The following CDH13 variants were observed in gnomAD, a reference collection of about 807,000 sequenced individuals.
CDH13 encodes the protein cadherin-13.
A neutral mutation model predicts 63.8 loss-of-function variants in CDH13; 24 were observed. The ratio of observed to expected loss-of-function variants is 0.38; its 90% CI spans 0.27 to 0.53. The LOEUF (loss-of-function observed/expected upper bound fraction) is 0.53. CDH13 is among the 20% of genes least tolerant of loss of function. The pLI is 0.85. For missense variants in CDH13, 1,049 were observed against 903.1 expected (o/e 1.16, Z -2.07); for synonymous variants, 503 against 355.3 (o/e 1.42, Z -4.67).
At chr16:83,188,770 G>T (rs891830523) in intron 4 of CDH13, among the ~76,000 whole-genome samples, 2 of 152,198 alleles carry the variant, frequency 1.3e-5, no homozygotes, top group Non-Finnish European at 2.9e-5. Flanking sequence ...AGGTGGTTAG[G>T]ATTAATGACC....
chr16:83,577,122 G>T (rs1377944378), intron 7 of CDH13, among the ~76,000 whole-genome samples: 1 of 152,184 alleles, frequency 6.6e-6, no homozygotes. Context: ...TCAGTCTGTT[G>T]ATTGGCTGCG....
intron 6 of CDH13, among the ~76,000 whole-genome samples, chr16:83,445,145 T>G (rs944779740): frequency 6.6e-6 from 1 of 152,172 alleles, no homozygotes; most frequent in Middle Eastern, 3.4e-3. Flanking sequence ...CCATGCCAGC[T>G]ACTACTCTCT....
At chr16:83,476,827 A>G (rs1382195794) in intron 6 of CDH13, among the ~76,000 whole-genome samples, 2 of 152,372 alleles carry the variant, frequency 1.3e-5, no homozygotes, top group African/African-American at 2.4e-5. Context: ...AGTTTGGAAT[A>G]TTAAAGTTTC....
At chr16:83,073,866 CAT>C (rs1292365343) in intron 3 of CDH13, among the ~76,000 whole-genome samples, 1 of 151,972 alleles carries the variant, frequency 6.6e-6, no homozygotes. Context: ...TTTATTGACA[CAT>C]AATATTTTTA....
chr16:83,690,758 G>C (rs1904779323), intron 10 of CDH13, among the ~76,000 whole-genome samples: 1 of 152,156 alleles, frequency 6.6e-6, no homozygotes, highest in Non-Finnish European at 1.5e-5. Context: ...GTCTGGCTAT[G>C]TCTTTCTGGC....
chr16:83,150,064 C>G (rs1433835624), intron 4 of CDH13, among the ~76,000 whole-genome samples: 1 of 152,138 alleles, frequency 6.6e-6, no homozygotes, highest in African/African-American at 2.4e-5. Flanking sequence ...ATTTTTGCCT[C>G]TCTAGATGAA....
chr16:82,916,176 G>A (rs143651989), intron 2 of CDH13, among the ~76,000 whole-genome samples: 4 of 151,994 alleles, frequency 2.6e-5, no homozygotes, highest in South Asian at 4.2e-4. Context: ...AATATACATC[G>A]ATTGCCATGC....
At chr16:82,840,674 G>C (rs1444301247) in intron 1 of CDH13, among the ~76,000 whole-genome samples, 1 of 115,088 alleles carries the variant, frequency 8.7e-6, no homozygotes, top group African/African-American at 3.3e-5. Flanking sequence ...GATGGAGTGA[G>C]AATCCATCTC....
intron 5 of CDH13, among the ~76,000 whole-genome samples, chr16:83,219,440 T>C (rs1233254146): frequency 6.6e-6 from 1 of 152,190 alleles, no homozygotes; most frequent in Non-Finnish European, 1.5e-5. Context: ...ATTGTCTGCC[T>C]CAACTTCTTA....
chr16:82,804,184 C>CTCCAGCCTGGTGACAGAGTGAGCTGA (rs372897266), intron 1 of CDH13, among the ~76,000 whole-genome samples: 20,954 of 150,920 alleles, frequency 0.14, 1,965 homozygotes, highest in African/African-American at 0.26. Context: ...GCTGAGATCA[C>CTCCAGCCTGGTGACAGAGTGAGCTGA]GCTACTGCAC....
rs1905034142 is a variant in CDH13, at chr16:83,692,755, G to T, written c.1538+14294G>T. ...ACCCCAGAGCAGCTGCATGGGAAAT[G>T]GCAGACCCCTGGTCTCTTACAGCCT... On this transcript the variant is annotated intron_variant, in intron 10 of 13. Coordinates refer to ENST00000567109, the MANE Select transcript of CDH13 (RefSeq NM_001257.5). 2.0e-5 allele frequency among the ~76,000 whole-genome samples: 3 copies of T among 152,278 alleles called. No homozygotes were observed. In the South Asian group the frequency reaches 6.2e-4, roughly 32 times the overall value.
intron 1 of CDH13, among the ~76,000 whole-genome samples, chr16:82,647,773 A>T (rs1219811840): frequency 1.3e-5 from 2 of 152,182 alleles, no homozygotes; most frequent in Non-Finnish European, 2.9e-5. Flanking sequence ...GCCAGAAGAG[A>T]CAGGAGCTTG....
At chr16:83,184,519 C>G (rs1034772235) in intron 4 of CDH13, among the ~76,000 whole-genome samples, 1 of 152,072 alleles carries the variant, frequency 6.6e-6, no homozygotes, top group African/African-American at 2.4e-5. Context: ...CTTTGGGAGG[C>G]TGAGGTGGGT....
chr16:82,911,109 G>A (rs17742591), intron 2 of CDH13, among the ~76,000 whole-genome samples: 1 of 152,200 alleles, frequency 6.6e-6, no homozygotes, highest in Non-Finnish European at 1.5e-5. Context: ...TTGATGGGAA[G>A]CATAAGAAGG....
At chr16:82,647,715 G>A (rs1005624731) in intron 1 of CDH13, among the ~76,000 whole-genome samples, 3 of 152,196 alleles carry the variant, frequency 2.0e-5, no homozygotes, top group Non-Finnish European at 4.4e-5. Context: ...TCAGTGAAGA[G>A]GTGTAGATAT....
At chr16:83,152,148 G>A (rs1016012148) in intron 4 of CDH13, among the ~76,000 whole-genome samples, 4 of 152,166 alleles carry the variant, frequency 2.6e-5, no homozygotes, top group Non-Finnish European at 5.9e-5. Context: ...TTAAACTGCT[G>A]TGAAATACAT....
chr16:83,368,644 A>C (rs760845699), intron 6 of CDH13, among the ~76,000 whole-genome samples: 3 of 151,586 alleles, frequency 2.0e-5, no homozygotes, highest in Non-Finnish European at 2.9e-5. Context: ...ACTGTACCCA[A>C]TGTGTAGTCT....
intron 1 of CDH13, among the ~76,000 whole-genome samples, chr16:82,738,448 C>G (rs192116430): frequency 6.6e-6 from 1 of 152,336 alleles, no homozygotes; most frequent in East Asian, 1.9e-4. Flanking sequence ...CTCACCCATT[C>G]ACCTTTCAAA....
intron 10 of CDH13, among the ~76,000 whole-genome samples, chr16:83,702,404 G>A (rs1269712008): frequency 2.6e-5 from 4 of 152,128 alleles, no homozygotes; most frequent in Non-Finnish European, 5.9e-5. Flanking sequence ...AGAGATCCTT[G>A]GCACCTTCCA....
Sources: allele counts gnomAD v4.1 joint callset (sites outside exome capture counted in the v4.1 genomes callset), GRCh38; gene constraint gnomAD v4.1.1; transcripts MANE v1.5; gene names NCBI Gene and HGNC (gene_info 2026-07-23, HGNC 2026-07-21).